Variants in GPR149 observed in about 807,000 individuals in gnomAD.
GPR149 encodes probable G protein-coupled receptor 149.
GPR149 carries 50 observed loss-of-function variants against 50.2 expected under a neutral mutation model. That is an observed-to-expected ratio of 1.00 (90% CI 0.79 to 1.26). The LOEUF is 1.26. Ranked by LOEUF, GPR149 falls within the 50% of genes most tolerant of loss-of-function variation. GPR149 has a pLI of 0.00. For synonymous variants in GPR149, 405 were observed against 358.2 expected (o/e 1.13, Z -1.48); for missense variants, 983 against 895.4 (o/e 1.10, Z -1.25).
intron 3 of GPR149, among the ~76,000 whole-genome samples, chr3:154,355,514 C>A (rs1018716535): frequency 6.6e-6 from 1 of 152,098 alleles, no homozygotes; most frequent in East Asian, 1.9e-4. Flanking sequence ...AGAAACGAAA[C>A]CTCTAGTTTT....
At chr3:154,377,903 G>A (rs1391038290) in intron 3 of GPR149, among the ~76,000 whole-genome samples, 1 of 151,850 alleles carries the variant, frequency 6.6e-6, no homozygotes, top group African/African-American at 2.4e-5. Flanking sequence ...ACATGCCTCT[G>A]GTTATATATA....
chr3:154,414,219 G>A (rs1317813409), intron 3 of GPR149, among the ~76,000 whole-genome samples: 3 of 151,928 alleles, frequency 2.0e-5, no homozygotes, highest in South Asian at 2.1e-4. Context: ...TACACTACTC[G>A]GGTGATGGGT....
At chr3:154,406,310 A>G (rs1355961852) in intron 3 of GPR149, among the ~76,000 whole-genome samples, 1 of 152,314 alleles carries the variant, frequency 6.6e-6, no homozygotes, top group East Asian at 1.9e-4. Context: ...TCTTTCACAC[A>G]TTGCTGGTGG....
At chr3:154,399,694 T>G (rs1711502993) in intron 3 of GPR149, among the ~76,000 whole-genome samples, 1 of 152,182 alleles carries the variant, frequency 6.6e-6, no homozygotes, top group Non-Finnish European at 1.5e-5. Context: ...TTAAAACTGT[T>G]AGAAGTTGAA....
intron 3 of GPR149, among the ~76,000 whole-genome samples, chr3:154,385,092 G>T (rs922836090): frequency 1.3e-5 from 2 of 152,194 alleles, no homozygotes; most frequent in Admixed American, 1.3e-4. Context: ...GGATAAAAGT[G>T]TGAGTGCATA....
intron 3 of GPR149, among the ~76,000 whole-genome samples, chr3:154,339,903 C>A (rs1323014737): frequency 6.7e-6 from 1 of 150,328 alleles, no homozygotes; most frequent in Non-Finnish European, 1.5e-5. Flanking sequence ...CATTCTCCTG[C>A]CTCAGCCTCC....
intron 3 of GPR149, among the ~76,000 whole-genome samples, chr3:154,364,409 G>T (rs1037362394): frequency 3.9e-5 from 6 of 152,074 alleles, no homozygotes; most frequent in Non-Finnish European, 4.4e-5. Flanking sequence ...ACTTGTTTCA[G>T]AATCAACTTT....
At position 154,406,830 on chromosome 3, in the gene GPR149, C is replaced by G. The variant is rs148325115; in HGVS notation, c.1623+14209G>C. Among the ~76,000 whole-genome samples the G allele has an allele frequency of 7.1e-3, 1,077 of 152,178 alleles. 14 individuals are homozygous for G. The highest frequency in any genetic ancestry group is 8.1e-3 in the Non-Finnish European group (551 of 68,004). On this transcript the variant is annotated intron_variant, in intron 3 of 3. Transcript: ENST00000389740. Reference sequence around the variant, plus strand: ...AAGAAAAATGAATGAAGCGCATATGCCTTTTGTATTAGCCCGTTCTCACGT... The same window carrying G: ...AAGAAAAATGAATGAAGCGCATATGGCTTTTGTATTAGCCCGTTCTCACGT...
chr3:154,378,564 T>C (rs1229510377), intron 3 of GPR149, among the ~76,000 whole-genome samples: 1 of 152,216 alleles, frequency 6.6e-6, no homozygotes, highest in Non-Finnish European at 1.5e-5. Context: ...TGGCTTGTGT[T>C]ATAAGTTTAT....
chr3:154,376,523 A>G (rs924092331), intron 3 of GPR149, among the ~76,000 whole-genome samples: 36 of 152,366 alleles, frequency 2.4e-4, no homozygotes, highest in African/African-American at 7.9e-4. Flanking sequence ...GTGTACATGT[A>G]TATGTATTCA....
chr3:154,410,873 A>G (rs1711814122), intron 3 of GPR149, among the ~76,000 whole-genome samples: 1 of 152,188 alleles, frequency 6.6e-6, no homozygotes, highest in Admixed American at 6.5e-5. Context: ...ATTCTACCCA[A>G]TAACTGCAGA....
intron 2 of GPR149, among the ~76,000 whole-genome samples, chr3:154,425,131 G>A (rs903725550): frequency 1.3e-5 from 2 of 151,932 alleles, no homozygotes; most frequent in Admixed American, 1.3e-4. Flanking sequence ...AACAGGAGAG[G>A]ATTATTATTT....
At chr3:154,405,902 T>C (rs1379029716) in intron 3 of GPR149, among the ~76,000 whole-genome samples, 1 of 151,800 alleles carries the variant, frequency 6.6e-6, no homozygotes, top group Non-Finnish European at 1.5e-5. Context: ...CAAATGCAAT[T>C]AATAAAAAGA....
At chr3:154,346,686 G>T (rs1240064500) in intron 3 of GPR149, among the ~76,000 whole-genome samples, 2 of 150,988 alleles carry the variant, frequency 1.3e-5, no homozygotes, top group Non-Finnish European at 2.9e-5. Context: ...TGCAATCTCT[G>T]CCTCTTTCAA....
Position 154,337,993 on chromosome 3 carries a change from C to T in GPR149, c.1902G>A (p.Val634=), listed in dbSNP as rs1713696027. 1 of 1,614,150 alleles carries T rather than the reference C, an allele frequency of 6.2e-7. No individual in the cohort carries two copies. Among genetic ancestry groups the T allele is most frequent in the Non-Finnish European group, 8.5e-7 (1 of 1,180,016 alleles). The stretch of plus-strand genomic sequence containing the variant: ...ACTGACTGATGTTACTAATGATTGA[C>T]ACAGTGTCCAAGGCCTCTTCATTAT... ...ICDNEEALDT[V]SIISNISQSS... The change falls in exon 4 of 4, where the codon GTG becomes GTA. Residue 634 remains valine, a synonymous_variant. Coordinates refer to ENST00000389740, the MANE Select transcript of GPR149 (RefSeq NM_001038705.3).
chr3:154,406,695 C>T (rs1042434316), intron 3 of GPR149, among the ~76,000 whole-genome samples: 1 of 152,034 alleles, frequency 6.6e-6, no homozygotes, highest in Non-Finnish European at 1.5e-5. Context: ...TGTATCTACC[C>T]AATTTTGCAA....
intron 3 of GPR149, among the ~76,000 whole-genome samples, chr3:154,381,390 T>C (rs1330510017): frequency 1.3e-5 from 2 of 152,160 alleles, no homozygotes; most frequent in Non-Finnish European, 2.9e-5. Flanking sequence ...CTATACCTTA[T>C]ACATGTGGCA....
At chr3:154,407,099 T>C (rs1711715904) in intron 3 of GPR149, among the ~76,000 whole-genome samples, 1 of 152,120 alleles carries the variant, frequency 6.6e-6, no homozygotes. Context: ...CCCCTCATGA[T>C]TCAAGGATCT....
At position 154,429,582 on chromosome 3, in the gene GPR149, C is replaced by A. The variant is rs773662912; in HGVS notation, c.34G>T (p.Asp12Tyr). The change falls in exon 1 of 4, where the codon GAC (aspartate) becomes TAC (tyrosine). Residue 12 changes from aspartate to tyrosine, a missense_variant. By Grantham distance (160) the Asp-to-Tyr change is radical (BLOSUM62 -3). Transcript: ENST00000389740. The part of the protein sequence containing the change: ...SLFLSNLSTN[D>Y]SSLWKENHNS... ...TGATTCTCTTTCCACAGGCTAGAGT[C>A]ATTTGTTGATAAGTTACTGAGAAAT... 1 of 1,613,204 alleles carries A rather than the reference C, an allele frequency of 6.2e-7. No homozygotes were observed. Among genetic ancestry groups the A allele is most frequent in the Non-Finnish European group, 8.5e-7 (1 of 1,179,318 alleles).
Sources: allele counts gnomAD v4.1 joint callset (sites outside exome capture counted in the v4.1 genomes callset), GRCh38; gene constraint gnomAD v4.1.1; transcripts MANE v1.5; gene names NCBI Gene and HGNC (gene_info 2026-07-23, HGNC 2026-07-21).